Variants in ACSL4 observed in about 807,000 individuals in gnomAD.
ACSL4 encodes acyl-CoA synthetase long chain family member 4.
A neutral mutation model predicts 49.1 loss-of-function variants in ACSL4; 9 were observed. The observed-to-expected ratio is 0.18, with a 90% CI of 0.11 to 0.32. ACSL4 has a LOEUF of 0.32. Ranked by LOEUF, ACSL4 falls within the 10% of genes least tolerant of loss-of-function variation. ACSL4 has a pLI of 1.00. For synonymous variants in ACSL4, 191 were observed against 170.3 expected (o/e 1.12, Z -0.95); for missense variants, 333 against 493.7 (o/e 0.67, Z 3.08).
Position 109,659,393 on chromosome X carries a change from C to A in ACSL4, c.1816G>T (p.Ala606Ser). The A allele has an allele frequency of 8.3e-7, 1 of 1,209,891 alleles. No individual in the cohort carries two copies. The highest frequency in any genetic ancestry group is 1.1e-6 in the Non-Finnish European group (1 of 894,257). Residue 606 changes from alanine to serine, a missense_variant, in exon 15 of 16, where the codon GCT (alanine) becomes TCT (serine). Transcript: ENST00000672401. ...TCTCGAATTTCTTTCAGTATTTCAG[C>A]TTCCATAGCAGGATTATTGCAGATA... is the stretch of plus-strand genomic sequence containing the variant. ...VDICNNPAME[A>S]EILKEIREAA...
In ACSL4 at chrX:109,665,510, T is replaced by C; in HGVS notation, c.1316-16A>G. The C allele has an allele frequency of 3.5e-6, 4 of 1,157,461 alleles. No individual in the cohort carries two copies. Among genetic ancestry groups the C allele is most frequent in the Non-Finnish European group, 4.7e-6 (4 of 846,222 alleles). ...TAGTCAGTTACTGTGAGGGAAAAAG[T>C]AACAGAGATATTAGCATACCACATT... On this transcript the variant is annotated splice_polypyrimidine_tract_variant and intron_variant, in intron 11 of 15. Transcript: ENST00000672401.
intron 1 of ACSL4, among the ~76,000 whole-genome samples, chrX:109,711,774 A>C (rs1926764018): frequency 9.0e-6 from 1 of 110,942 alleles, no homozygotes; most frequent in Non-Finnish European, 1.9e-5. Context: ...TTGACCTCAA[A>C]GTACCCTACG....
chrX:109,726,764 G>A (rs1175634657), intron 1 of ACSL4, among the ~76,000 whole-genome samples: 1 of 111,571 alleles, frequency 9.0e-6, no homozygotes, highest in South Asian at 3.7e-4. Context: ...CTGCAGCCTC[G>A]ACCTCCCAGG....
intron 1 of ACSL4, among the ~76,000 whole-genome samples, chrX:109,704,112 AG>A (rs1350358092): frequency 9.0e-6 from 1 of 111,056 alleles, no homozygotes; most frequent in African/African-American, 3.3e-5. Flanking sequence ...TATGATTATT[AG>A]GTCACAGATC....
chrX:109,724,993 G>A (rs1165231412), intron 1 of ACSL4, among the ~76,000 whole-genome samples: 1 of 110,303 alleles, frequency 9.1e-6, no homozygotes, highest in Non-Finnish European at 1.9e-5. Context: ...CTGGCCTCAA[G>A]AGATCTGCCT....
rs1278836283 is a variant in ACSL4 at position 109,663,299 on chromosome X, T to A, written c.1494A>T (p.Glu498Asp). 1 of 1,207,600 alleles carries A rather than the reference T, an allele frequency of 8.3e-7. No homozygotes were observed. Among genetic ancestry groups the A allele is most frequent in the Non-Finnish European group, 1.1e-6 (1 of 891,797 alleles). ...GYFKNEEKTA[E>D]DYSVDENGQR... ...GTCCATTTTCATCCACAGAATAATCTTCTGCTGTTTTCTCTTCATTTTTAA... is the reference window on the plus strand; with the variant it reads ...GTCCATTTTCATCCACAGAATAATCATCTGCTGTTTTCTCTTCATTTTTAA... Residue 498 changes from glutamate (E) to aspartate (D), a missense_variant, in exon 13 of 16, where the codon GAA becomes GAT. Physicochemically the swap from Glu to Asp is conservative, Grantham distance 45 (BLOSUM62 2). This residue lies in a region of ACSL4 where 175 missense variants were observed against 275.8 expected (regional missense o/e 0.63). Transcript: ENST00000672401.
At position 109,681,106 on chromosome X, in the gene ACSL4, G is replaced by A; in HGVS notation, c.547C>T (p.His183Tyr). The A allele has an allele frequency of 1.7e-6, 2 of 1,209,588 alleles. No homozygotes were observed. The highest frequency in any genetic ancestry group is 2.2e-6 in the Non-Finnish European group (2 of 894,323). The change falls in exon 6 of 16, where the codon CAT becomes TAT. Residue 183 changes from histidine to tyrosine, a missense_variant. Transcript: ENST00000672401. Reference sequence around the variant, plus strand: ...GCCTTATTGTCCACATAAATGATATGTTTAACACAACTGATATCTAACAAT... The same window carrying A: ...GCCTTATTGTCCACATAAATGATATATTTAACACAACTGATATCTAACAAT... Reference protein sequence around the residue: ...TALLDISCVKHIIYVDNKAIN... With the variant: ...TALLDISCVKYIIYVDNKAIN...
chrX:109,712,019 T>C (rs1926783053), intron 1 of ACSL4, among the ~76,000 whole-genome samples: 1 of 111,845 alleles, frequency 8.9e-6, no homozygotes, highest in South Asian at 3.8e-4. Flanking sequence ...TCAATCTGAG[T>C]AGAAGTATAT....
chrX:109,667,151 AT>A (rs1922720459), intron 11 of ACSL4, among the ~76,000 whole-genome samples: 1 of 112,722 alleles, frequency 8.9e-6, no homozygotes, highest in Non-Finnish European at 1.9e-5. Context: ...AATGGCATTG[AT>A]TTTGGACACA....
chrX:109,668,340 T>C, intron 10 of ACSL4, 67 bp from the exon 11 acceptor site: 1 of 976,758 alleles, frequency 1.0e-6, no homozygotes, highest in Non-Finnish European at 1.4e-6. Flanking sequence ...CACTAATTTA[T>C]AAGCTCTGGG....
At chrX:109,667,219 T>C (rs1054610235) in intron 11 of ACSL4, among the ~76,000 whole-genome samples, 3 of 112,529 alleles carry the variant, frequency 2.7e-5, no homozygotes, top group Non-Finnish European at 5.6e-5. Flanking sequence ...ACCCCAGTGT[T>C]TCTCAACCTA....
In ACSL4 at chrX:109,657,989, T is replaced by C. The variant is rs779283048; in HGVS notation, c.1855+1365A>G. Among the ~76,000 whole-genome samples, 15 of 111,910 alleles carry C rather than the reference T, an allele frequency of 1.3e-4. No homozygotes were observed. In the East Asian group the frequency reaches 4.2e-3, roughly 31 times the overall value. ...GCCAGTGATGATGAGCATTTTTTCATGTGTCTGTTGGCTGCATAAATGTCT... is the reference window on the plus strand; with the variant it reads ...GCCAGTGATGATGAGCATTTTTTCACGTGTCTGTTGGCTGCATAAATGTCT... On this transcript the variant is annotated intron_variant, in intron 15 of 15. Coordinates refer to ENST00000672401, the MANE Select transcript of ACSL4 (RefSeq NM_001318510.2).
chrX:109,727,719 A>G (rs1490084433), intron 1 of ACSL4, among the ~76,000 whole-genome samples: 4 of 103,674 alleles, frequency 3.9e-5, no homozygotes, highest in Non-Finnish European at 7.9e-5. Flanking sequence ...GTAATCAACA[A>G]TTTATAAGGT....
At chrX:109,664,423 A>G (rs769205220) in intron 12 of ACSL4, among the ~76,000 whole-genome samples, 3 of 112,166 alleles carry the variant, frequency 2.7e-5, no homozygotes, top group Non-Finnish European at 5.6e-5. Flanking sequence ...AAACACATAC[A>G]CACAAACTAT....
chrX:109,657,552 C>A (rs999568000), intron 15 of ACSL4, among the ~76,000 whole-genome samples: 21 of 110,850 alleles, frequency 1.9e-4, no homozygotes, highest in Admixed American at 5.8e-4. Flanking sequence ...TGAACTCATC[C>A]TTTTTTATGG....
intron 2 of ACSL4, among the ~76,000 whole-genome samples, chrX:109,688,426 TC>T (rs776489236): frequency 8.9e-6 from 1 of 112,181 alleles, no homozygotes; most frequent in Non-Finnish European, 1.9e-5. Context: ...CCCTTCAGCA[TC>T]ATAACCAGCT....
intron 8 of ACSL4, among the ~76,000 whole-genome samples, chrX:109,677,405 C>T (rs1227528298): frequency 9.0e-5 from 10 of 111,597 alleles, no homozygotes; most frequent in Admixed American, 8.6e-4. Context: ...GTCAAAAAGG[C>T]TCATTGCATT....
chrX:109,649,710 A>C (rs1301352217), intron 15 of ACSL4, among the ~76,000 whole-genome samples: 2 of 110,454 alleles, frequency 1.8e-5, no homozygotes, highest in Non-Finnish European at 3.8e-5. Context: ...TCTGCACAGC[A>C]AAAGAAACTA....
intron 2 of ACSL4, chrX:109,683,796 C>T (rs1366440953): frequency 4.6e-6 from 1 of 216,970 alleles, no homozygotes; most frequent in Non-Finnish European, 8.3e-6. Flanking sequence ...TATTAGTTTA[C>T]ACAATTAATT....
Sources: gnomAD v4.1 joint callset for allele counts (sites outside exome capture counted in the v4.1 genomes callset) on GRCh38, gnomAD v4.1.1 for gene constraint, gnomAD v4.1.1 regional missense constraint, MANE v1.5 for transcripts, NCBI Gene and HGNC (gene_info 2026-07-23, HGNC 2026-07-21) for gene names.